RFX7: variants seen among roughly 807,000 people sequenced by gnomAD.
RFX7 encodes regulatory factor X7.
RFX7 carries 26 observed loss-of-function variants against 111.8 expected under a neutral mutation model. That is an observed-to-expected ratio of 0.23 (90% CI 0.17 to 0.32). RFX7 has a LOEUF of 0.32. RFX7 is among the 10% of genes least tolerant of loss of function. The pLI is 1.00. For synonymous variants in RFX7, 624 were observed against 624.4 expected (o/e 1.00, Z 0.01); for missense variants, 1,573 against 1,772.9 (o/e 0.89, Z 2.02).
intron 5 of RFX7, among the ~76,000 whole-genome samples, chr15:56,127,662 C>A (rs1463494255): frequency 6.6e-6 from 1 of 151,462 alleles, no homozygotes; most frequent in Non-Finnish European, 1.5e-5. Context: ...ATTCTCCTGC[C>A]TCAGCCTCCC....
At chr15:56,218,279 C>T (rs1345902303) in intron 2 of RFX7, among the ~76,000 whole-genome samples, 5 of 150,842 alleles carry the variant, frequency 3.3e-5, no homozygotes, top group Admixed American at 1.3e-4. Context: ...CTCAGCCTCC[C>T]GCCACCATGC....
At chr15:56,191,146 G>T (rs1378083823) in intron 2 of RFX7, among the ~76,000 whole-genome samples, 1 of 152,200 alleles carries the variant, frequency 6.6e-6, no homozygotes, top group Non-Finnish European at 1.5e-5. Flanking sequence ...TAAAAGAAGA[G>T]AAAGCACCTG....
intron 5 of RFX7, among the ~76,000 whole-genome samples, chr15:56,114,499 G>A (rs74665374): frequency 0.065 from 9,883 of 151,494 alleles, 439 homozygotes; most frequent in Admixed American, 0.1. Flanking sequence ...TTTTCGTATT[G>A]TTCTGTGTTT....
chr15:56,161,771 A>T (rs1224294161), intron 3 of RFX7, among the ~76,000 whole-genome samples: 2 of 152,074 alleles, frequency 1.3e-5, no homozygotes, highest in African/African-American at 4.8e-5. Flanking sequence ...ACCAAATGAA[A>T]TGCTTAGACA....
intron 5 of RFX7, among the ~76,000 whole-genome samples, chr15:56,107,775 T>C (rs765822566): frequency 4.6e-5 from 7 of 151,980 alleles, no homozygotes; most frequent in Non-Finnish European, 7.4e-5. Context: ...TAAAGAAGAA[T>C]CAAATAGCAA....
chr15:56,134,385 C>G (rs2042261583), intron 5 of RFX7, among the ~76,000 whole-genome samples: 1 of 152,136 alleles, frequency 6.6e-6, no homozygotes, highest in South Asian at 2.1e-4. Flanking sequence ...GGGAACACTA[C>G]AGTAAATAAG....
At chr15:56,169,618 T>C (rs2042819897) in intron 3 of RFX7, among the ~76,000 whole-genome samples, 1 of 151,676 alleles carries the variant, frequency 6.6e-6, no homozygotes, top group Admixed American at 6.6e-5. Context: ...CAGAAAAGAA[T>C]GGCAGGACAA....
chr15:56,222,568 A>C (rs1336990492), intron 2 of RFX7, among the ~76,000 whole-genome samples: 2 of 152,008 alleles, frequency 1.3e-5, no homozygotes, highest in Non-Finnish European at 2.9e-5. Context: ...ACTTCAGTGA[A>C]GTTTTCTTCG....
intron 2 of RFX7, among the ~76,000 whole-genome samples, chr15:56,218,743 T>C (rs2043394432): frequency 6.6e-6 from 1 of 152,220 alleles, no homozygotes; most frequent in Non-Finnish European, 1.5e-5. Flanking sequence ...AATGGTATCA[T>C]GTATTGAGTG....
intron 3 of RFX7, among the ~76,000 whole-genome samples, chr15:56,175,950 C>T (rs536245350): frequency 6.6e-6 from 1 of 152,248 alleles, no homozygotes; most frequent in African/African-American, 2.4e-5. Context: ...TTAGTGACTA[C>T]TGAACTTTAG....
intron 2 of RFX7, among the ~76,000 whole-genome samples, chr15:56,182,119 T>TA (rs774807327): frequency 7.2e-5 from 11 of 152,272 alleles, no homozygotes; most frequent in South Asian, 6.2e-4. Context: ...TGGTGAGTTA[T>TA]ATAATTATTT....
chr15:56,150,563 C>G (rs1245399447), intron 3 of RFX7, among the ~76,000 whole-genome samples: 1 of 152,208 alleles, frequency 6.6e-6, no homozygotes, highest in African/African-American at 2.4e-5. Context: ...ACTGGAAGGT[C>G]ACCAACATCA....
At chr15:56,138,917 T>G (rs563209946) in intron 5 of RFX7, among the ~76,000 whole-genome samples, 2 of 152,294 alleles carry the variant, frequency 1.3e-5, no homozygotes, top group African/African-American at 4.8e-5. Flanking sequence ...TGAAAATTCT[T>G]GTCTTTAAGA....
At chr15:56,124,496 T>C (rs1413433542) in intron 5 of RFX7, among the ~76,000 whole-genome samples, 1 of 152,122 alleles carries the variant, frequency 6.6e-6, no homozygotes, top group African/African-American at 2.4e-5. Context: ...TGTGTAAGTG[T>C]TCCCTTTTCT....
rs1385962423 is a variant in RFX7 at position 56,090,248 on chromosome 15, A to C, written c.*3097T>G. On this transcript the variant is annotated 3_prime_UTR_variant, in exon 10 of 10. Transcript: ENST00000559447. ...CTCCATAGGCTAACATTTAAACACT[A>C]TGTGAAAGAGAAAAAGATGGCTTTT... 6.6e-6 allele frequency: 1 copy of C among 152,188 alleles called. No individual in the cohort carries two copies. The highest frequency in any genetic ancestry group is 1.5e-5 in the Non-Finnish European group (1 of 68,014). 9.4% of individuals were successfully genotyped at this position (152,188 alleles called of 1,614,324 possible). A position where few individuals can be genotyped will look rare whatever the true frequency, so the allele number is the denominator to read the frequency against.
intron 5 of RFX7, among the ~76,000 whole-genome samples, chr15:56,142,123 A>C (rs2042408827): frequency 6.6e-6 from 1 of 152,160 alleles, no homozygotes; most frequent in African/African-American, 2.4e-5. Flanking sequence ...ACTCTGCTGG[A>C]ATAAATTCCT....
intron 3 of RFX7, among the ~76,000 whole-genome samples, chr15:56,175,416 A>C (rs1165423786): frequency 6.6e-6 from 1 of 152,182 alleles, no homozygotes; most frequent in Non-Finnish European, 1.5e-5. Flanking sequence ...AAAAATAAAA[A>C]TTGACAAAGT....
At chr15:56,149,361 C>T (rs1352736541) in intron 3 of RFX7, among the ~76,000 whole-genome samples, 1 of 152,204 alleles carries the variant, frequency 6.6e-6, no homozygotes, top group African/African-American at 2.4e-5. Context: ...ACTCTTTCCT[C>T]TAGCACCTTT....
At chr15:56,201,209 A>G (rs1490047303) in intron 2 of RFX7, among the ~76,000 whole-genome samples, 2 of 152,186 alleles carry the variant, frequency 1.3e-5, no homozygotes, top group Non-Finnish European at 2.9e-5. Flanking sequence ...TCTAGAGTTA[A>G]GAGTTTATTA....
Sources: allele counts gnomAD v4.1 joint callset (sites outside exome capture counted in the v4.1 genomes callset), GRCh38; gene constraint gnomAD v4.1.1; transcripts MANE v1.5; gene names NCBI Gene and HGNC (gene_info 2026-07-23, HGNC 2026-07-21).